The following KCTD16 variants were observed in gnomAD, a reference collection of about 807,000 sequenced individuals.
KCTD16 encodes potassium channel tetramerization domain containing 16, also known as BTB/POZ domain-containing protein KCTD16.
KCTD16 carries 13 observed loss-of-function variants against 33.2 expected under a neutral mutation model. That is an observed-to-expected ratio of 0.39 (90% CI 0.25 to 0.62). KCTD16 has a LOEUF of 0.62. KCTD16 is among the 20% of genes least tolerant of loss of function. KCTD16 has a pLI of 0.50. For missense variants in KCTD16, 441 were observed against 525.1 expected (o/e 0.84, Z 1.57); for synonymous variants, 197 against 195.3 (o/e 1.01, Z -0.07).
chr5:144,191,518 C>G (rs1752841856), intron 2 of KCTD16, among the ~76,000 whole-genome samples: 1 of 152,168 alleles, frequency 6.6e-6, no homozygotes, highest in African/African-American at 2.4e-5. Flanking sequence ...CTTCTGTTTT[C>G]TAGGTTCCAC....
intron 2 of KCTD16, among the ~76,000 whole-genome samples, chr5:144,196,194 G>A (rs1580780295): frequency 6.6e-6 from 1 of 152,278 alleles, no homozygotes; most frequent in Middle Eastern, 3.4e-3. Context: ...ACTATGTGGG[G>A]CTCTAGGGAA....
chr5:144,276,808 C>A lies in KCTD16; in HGVS notation c.832+69262C>A, dbSNP rs1270947462. On this transcript the variant is annotated intron_variant, in intron 3 of 3. Coordinates refer to ENST00000512467, the MANE Select transcript of KCTD16 (RefSeq NM_020768.4). ...ATCCCAGCTACTCGGGAGGCTGAGT[C>A]ATGAGAATCTCTTGGACCTGAGAGG... Among the ~76,000 whole-genome samples, 7 of 151,404 alleles carry A rather than the reference C, an allele frequency of 4.6e-5. No individual in the cohort carries two copies. In the East Asian group the frequency reaches 1.2e-3, roughly 26 times the overall value.
Position 144,207,290 on chromosome 5 carries a change from T to A in KCTD16, c.576T>A (p.Ile192=). Residue 192 remains isoleucine, a synonymous_variant, in exon 3 of 4, where the codon ATT becomes ATA. Transcript: ENST00000512467. ...ADAKFRRVPR[I]LVCGRISLAK... is the part of the protein sequence containing the mutation. ...CCAAGTTTCGGAGAGTTCCCCGGAT[T>A]TTGGTTTGTGGAAGGATTTCCTTGG... 6.2e-7 allele frequency: 1 copy of A among 1,614,132 alleles called. No individual in the cohort carries two copies. The highest frequency in any genetic ancestry group is 8.5e-7 in the Non-Finnish European group (1 of 1,180,014).
At chr5:144,414,524 C>T (rs1389739579) in intron 3 of KCTD16, among the ~76,000 whole-genome samples, 1 of 152,312 alleles carries the variant, frequency 6.6e-6, no homozygotes, top group East Asian at 1.9e-4. Flanking sequence ...TCTTCTTAGT[C>T]ACTGAATCCC....
intron 3 of KCTD16, among the ~76,000 whole-genome samples, chr5:144,392,816 G>A (rs1300889967): frequency 5.9e-5 from 9 of 152,176 alleles, no homozygotes; most frequent in Non-Finnish European, 1.2e-4. Flanking sequence ...TGGTGTGCAT[G>A]GAAACACATG....
intron 3 of KCTD16, among the ~76,000 whole-genome samples, chr5:144,260,264 C>G (rs1754969552): frequency 6.6e-6 from 1 of 152,122 alleles, no homozygotes; most frequent in Non-Finnish European, 1.5e-5. Context: ...AGGATGCACT[C>G]AAGAATGAGC....
intron 2 of KCTD16, among the ~76,000 whole-genome samples, chr5:144,181,739 A>G (rs1000580575): frequency 3.9e-5 from 6 of 152,190 alleles, no homozygotes; most frequent in African/African-American, 1.4e-4. Flanking sequence ...GTGTCCATCA[A>G]AAAGTTGTTG....
At chr5:144,456,988 A>G (rs1383857751) in intron 3 of KCTD16, among the ~76,000 whole-genome samples, 1 of 152,340 alleles carries the variant, frequency 6.6e-6, no homozygotes, top group East Asian at 1.9e-4. Context: ...CCACATTGCC[A>G]TAGATGGAAA....
intron 3 of KCTD16, among the ~76,000 whole-genome samples, chr5:144,243,928 A>C (rs1754476532): frequency 6.6e-6 from 1 of 152,048 alleles, no homozygotes; most frequent in African/African-American, 2.4e-5. Context: ...GTATTTTAGT[A>C]GAGACGGGGT....
chr5:144,341,566 A>G (rs955880155), intron 3 of KCTD16, among the ~76,000 whole-genome samples: 1 of 152,196 alleles, frequency 6.6e-6, no homozygotes, highest in Non-Finnish European at 1.5e-5. Context: ...AAAGTGGATT[A>G]ATTTTATTAT....
At position 144,478,387 on chromosome 5, in the gene KCTD16, A is replaced by G. The variant is rs1754638368; in HGVS notation, c.*4273A>G. The G allele has an allele frequency of 6.6e-6, 1 of 152,068 alleles. No homozygotes were observed. The highest frequency in any genetic ancestry group is 6.6e-5 in the Admixed American group (1 of 15,236). 9.4% of individuals were successfully genotyped at this position (152,068 alleles called of 1,614,324 possible). A position where few individuals can be genotyped will look rare whatever the true frequency, so the allele number is the denominator to read the frequency against. ...AAACTTTAATAATCACAGCCTTGTG[A>G]TGCAAACACAGAGCTTATTTGTTTG... On this transcript the variant is annotated 3_prime_UTR_variant, in exon 4 of 4. Coordinates refer to ENST00000512467, the MANE Select transcript of KCTD16 (RefSeq NM_020768.4).
At chr5:144,176,232 C>T (rs1206326766) in intron 2 of KCTD16, among the ~76,000 whole-genome samples, 2 of 152,088 alleles carry the variant, frequency 1.3e-5, no homozygotes, top group Non-Finnish European at 2.9e-5. Flanking sequence ...CCTTCCCTTT[C>T]TCTCCTCTCT....
chr5:144,269,048 C>T (rs1359260214), intron 3 of KCTD16, among the ~76,000 whole-genome samples: 1 of 151,642 alleles, frequency 6.6e-6, no homozygotes, highest in Non-Finnish European at 1.5e-5. Context: ...GTCTTAGGAC[C>T]AGAGTAAGAA....
intron 3 of KCTD16, among the ~76,000 whole-genome samples, chr5:144,458,028 C>A (rs1014515081): frequency 2.6e-5 from 4 of 152,162 alleles, no homozygotes; most frequent in African/African-American, 9.7e-5. Context: ...ATTTTATGTG[C>A]AAATTCATTC....
At chr5:144,178,996 C>T (rs971798959) in intron 2 of KCTD16, among the ~76,000 whole-genome samples, 3 of 152,118 alleles carry the variant, frequency 2.0e-5, no homozygotes, top group Non-Finnish European at 4.4e-5. Context: ...CCAAAACACC[C>T]CTCGTTTAAC....
chr5:144,293,913 A>T (rs557010971), intron 3 of KCTD16, among the ~76,000 whole-genome samples: 3 of 152,316 alleles, frequency 2.0e-5, no homozygotes, highest in East Asian at 3.9e-4. Context: ...TAATCCCAGC[A>T]CTTTGGGAGG....
At chr5:144,204,249 CTT>C (rs1031634043) in intron 2 of KCTD16, among the ~76,000 whole-genome samples, 6 of 152,130 alleles carry the variant, frequency 3.9e-5, no homozygotes, top group African/African-American at 1.4e-4. Context: ...TTGTTTTTCA[CTT>C]TTTAAAAATA....
At chr5:144,182,446 A>C (rs898214470) in intron 2 of KCTD16, among the ~76,000 whole-genome samples, 1 of 152,268 alleles carries the variant, frequency 6.6e-6, no homozygotes, top group Admixed American at 6.5e-5. Context: ...ATACAAAAGC[A>C]GAATAGAATG....
rs1754710270 is a variant in KCTD16 at position 144,481,867 on chromosome 5, A to G, written c.*7753A>G. ...TTATGGTTTAAATATCCAGTTATAA[A>G]TAATATATATTACAGATTTATTATT... On this transcript the variant is annotated 3_prime_UTR_variant, in exon 4 of 4. Coordinates refer to ENST00000512467, the MANE Select transcript of KCTD16 (RefSeq NM_020768.4). 1 of 151,930 alleles carries G rather than the reference A, an allele frequency of 6.6e-6. No individual in the cohort carries two copies. Among genetic ancestry groups the G allele is most frequent in the South Asian group, 2.1e-4 (1 of 4,820 alleles). The allele number at this position is 151,930 out of a possible 1,614,324, so 9.4% of individuals were successfully genotyped here.
Sources: gnomAD v4.1 joint callset for allele counts (sites outside exome capture counted in the v4.1 genomes callset) on GRCh38, gnomAD v4.1.1 for gene constraint, MANE v1.5 for transcripts, NCBI Gene and HGNC (gene_info 2026-07-23, HGNC 2026-07-21) for gene names.